Variants in METAP1 observed in about 807,000 individuals in gnomAD.
METAP1 encodes methionine aminopeptidase 1.
In METAP1, 28 loss-of-function variants were observed where a neutral mutation model predicts 53.8. That is an observed-to-expected ratio of 0.52 (90% CI 0.39 to 0.71). The LOEUF is 0.71. Among genes scored for constraint, METAP1 ranks in the 30% least tolerant of loss-of-function variants. METAP1 has a pLI of 0.00. For synonymous variants in METAP1, 181 were observed against 165.7 expected (o/e 1.09, Z -0.71); for missense variants, 389 against 479.8 (o/e 0.81, Z 1.77).
chr4:99,017,284 G>A (rs1417956109), intron 1 of METAP1, among the ~76,000 whole-genome samples: 1 of 152,206 alleles, frequency 6.6e-6, no homozygotes, highest in East Asian at 1.9e-4. Flanking sequence ...TACCCCAAAA[G>A]CATACTTACA....
At chr4:99,022,698 T>C in intron 1 of METAP1, 1 of 1,439,688 alleles carries the variant, frequency 6.9e-7, no homozygotes, top group South Asian at 1.2e-5. Context: ...TGCAAGTACT[T>C]GAGATTCCAT....
intron 1 of METAP1, among the ~76,000 whole-genome samples, chr4:99,021,777 A>C (rs780129943): frequency 3.9e-4 from 60 of 152,204 alleles, no homozygotes; most frequent in Non-Finnish European, 6.8e-4. Context: ...CTAAATAGGA[A>C]GAAGGGAAAA....
At chr4:99,047,237 G>T (rs1726334347) in intron 8 of METAP1, among the ~76,000 whole-genome samples, 1 of 152,044 alleles carries the variant, frequency 6.6e-6, no homozygotes, top group Admixed American at 6.6e-5. Context: ...ATTTTTTGTT[G>T]TAGAGACCTG....
At chr4:99,033,956 G>A (rs62325192) in intron 2 of METAP1, among the ~76,000 whole-genome samples, 3,750 of 152,200 alleles carry the variant, frequency 0.025, 55 homozygotes, top group Non-Finnish European at 0.035. Context: ...TCGATATTAT[G>A]TAAAAACTTA....
At chr4:99,042,444 T>A (rs537235142) in intron 6 of METAP1, among the ~76,000 whole-genome samples, 65 of 152,248 alleles carry the variant, frequency 4.3e-4, no homozygotes, top group African/African-American at 1.4e-3. Flanking sequence ...AAATTACGTA[T>A]ACTGTGATTA....
At chr4:98,998,490 T>C (rs2110269284) in intron 1 of METAP1, among the ~76,000 whole-genome samples, 1 of 152,258 alleles carries the variant, frequency 6.6e-6, no homozygotes, top group South Asian at 2.1e-4. Context: ...ACCACTGCAC[T>C]CTATCCTGGG....
intron 9 of METAP1, among the ~76,000 whole-genome samples, chr4:99,049,961 C>G (rs1726577116): frequency 6.6e-6 from 1 of 152,158 alleles, no homozygotes; most frequent in Admixed American, 6.5e-5. Flanking sequence ...TCTGTGCTTA[C>G]AGAGGTAATT....
chr4:99,003,450 G>A (rs1723014413), intron 1 of METAP1, among the ~76,000 whole-genome samples: 1 of 152,108 alleles, frequency 6.6e-6, no homozygotes, highest in African/African-American at 2.4e-5. Flanking sequence ...TTTGTCTTCT[G>A]AGTGGGGATT....
chr4:99,048,818 T>C lies in METAP1; in HGVS notation c.873T>C (p.Tyr291=). 6.2e-7 allele frequency: 1 copy of C among 1,614,046 alleles called. No individual in the cohort carries two copies. The highest frequency in any genetic ancestry group is 8.5e-7 in the Non-Finnish European group (1 of 1,179,890). The part of the protein sequence containing the change: ...QANGFSVVRS[Y]CGHGIHKLFH... ...ATGGGTTTTCAGTTGTTCGAAGCTA[T>C]TGTGGGCATGGAATCCACAAGCTTT... Residue 291 remains tyrosine, a synonymous_variant, in exon 9 of 11, where the codon TAT becomes TAC. Transcript: ENST00000296411.
chr4:99,006,112 C>T lies in METAP1; in HGVS notation c.114+10245C>T, dbSNP rs188905390. ...TAACAGACTTTTTATTTTTGCCAGT[C>T]TGGAGTTGTGTATTACTCATGAACA... On this transcript the variant is annotated intron_variant, in intron 1 of 10. Coordinates refer to ENST00000296411, the MANE Select transcript of METAP1 (RefSeq NM_015143.3). Among the ~76,000 whole-genome samples, 16 of 152,250 alleles carry T rather than the reference C, an allele frequency of 1.1e-4. No individual in the cohort carries two copies. The East Asian group carries it at 3.1e-3, about 29-fold the overall frequency.
chr4:99,015,859 A>G (rs915887213), intron 1 of METAP1, among the ~76,000 whole-genome samples: 4 of 152,236 alleles, frequency 2.6e-5, no homozygotes, highest in Non-Finnish European at 5.9e-5. Context: ...AAAGAAAAAT[A>G]GAAATAAAGG....
At chr4:99,005,334 A>G (rs1723125109) in intron 1 of METAP1, among the ~76,000 whole-genome samples, 1 of 152,246 alleles carries the variant, frequency 6.6e-6, no homozygotes, top group Non-Finnish European at 1.5e-5. Context: ...AATGACCTAA[A>G]TAGAATTTTC....
In METAP1 at chr4:99,024,338, T is replaced by A. The variant is rs1278318415; in HGVS notation, c.115-4529T>A. On this transcript the variant is annotated intron_variant, in intron 1 of 10. Transcript: ENST00000296411. ...CTTGAGACAGGAGTCTTGCCGATGT[T>A]CCTGGCCAAATAAACCCCTTCCTTC... Among the ~76,000 whole-genome samples the A allele has an allele frequency of 3.9e-5, 6 of 152,306 alleles. No individual in the cohort carries two copies. In the East Asian group the frequency reaches 9.7e-4, roughly 25 times the overall value.
rs115204475 is a variant in METAP1, at chr4:99,003,250, A to G, written c.114+7383A>G. On this transcript the variant is annotated intron_variant, in intron 1 of 10. Coordinates refer to ENST00000296411, the MANE Select transcript of METAP1 (RefSeq NM_015143.3). ...CCCTTATCATTATAAAGTGGGAGGC[A>G]ACAGAGACTTCTCTGTGTTTTGAAT... Among the ~76,000 whole-genome samples, 1,098 of 152,302 alleles carry G rather than the reference A, an allele frequency of 7.2e-3. 9 individuals carry two copies. The highest frequency in any genetic ancestry group is 0.025 in the African/African-American group (1,039 of 41,550).
intron 1 of METAP1, among the ~76,000 whole-genome samples, chr4:99,002,566 C>G (rs1224692473): frequency 1.3e-5 from 2 of 152,086 alleles, no homozygotes; most frequent in African/African-American, 4.8e-5. Flanking sequence ...ACTCTGTAAA[C>G]GAGGCCTGCC....
Position 99,062,794 on chromosome 4 carries a change from TTGAA to T in METAP1, c.*1481_*1484del, listed in dbSNP as rs545331354. ...AATGTGTAAAGGGAGATTAAAAAGT[TTGAA>T]TGATTATCCTACCATGTAGTCATTA... On this transcript the variant is annotated 3_prime_UTR_variant, in exon 11 of 11. Transcript: ENST00000296411. The T allele has an allele frequency of 6.6e-6, 1 of 152,650 alleles. No homozygotes were observed. The highest frequency in any genetic ancestry group is 1.5e-5 in the Non-Finnish European group (1 of 68,042). 9.5% of individuals were successfully genotyped at this position (152,650 alleles called of 1,614,324 possible). A position where few individuals can be genotyped will look rare whatever the true frequency, so the allele number is the denominator to read the frequency against.
rs1727569818 is a variant in METAP1 at position 99,061,940 on chromosome 4, T to G, written c.*623T>G. 1 of 152,200 alleles carries G rather than the reference T, an allele frequency of 6.6e-6. No individual in the cohort carries two copies. The highest frequency in any genetic ancestry group is 1.5e-5 in the Non-Finnish European group (1 of 68,034). The allele number at this position is 152,200 out of a possible 1,614,324, so 9.4% of individuals were successfully genotyped here. On this transcript the variant is annotated 3_prime_UTR_variant, in exon 11 of 11. Transcript: ENST00000296411. The stretch of plus-strand genomic sequence containing the variant: ...TAGGGAAGCACTCACCCAATGAGAC[T>G]TTCTCCAATGTGGACTCTGTGTGTC...
At chr4:99,022,863 G>T in intron 1 of METAP1, 2 of 1,545,306 alleles carry the variant, frequency 1.3e-6, no homozygotes, top group South Asian at 1.2e-5. Flanking sequence ...CACGGCTGCT[G>T]CTGCCTTCTT....
At chr4:99,030,226 C>T (rs543395117) in intron 2 of METAP1, among the ~76,000 whole-genome samples, 1 of 152,102 alleles carries the variant, frequency 6.6e-6, no homozygotes, top group South Asian at 2.1e-4. Flanking sequence ...CGGCCTCTCC[C>T]TCAGATTTGC....
Sources: allele counts gnomAD v4.1 joint callset (sites outside exome capture counted in the v4.1 genomes callset), GRCh38; gene constraint gnomAD v4.1.1; transcripts MANE v1.5; gene names NCBI Gene and HGNC (gene_info 2026-07-23, HGNC 2026-07-21).